The following PHACTR3 variants were observed in gnomAD, a reference collection of about 807,000 sequenced individuals.
PHACTR3 encodes protein phosphatase 1, regulatory subunit 123.
In PHACTR3, 16 loss-of-function variants were observed where a neutral mutation model predicts 66.8. That is an observed-to-expected ratio of 0.24 (90% CI 0.16 to 0.36). PHACTR3 has a LOEUF of 0.36. PHACTR3 is among the 10% of genes least tolerant of loss of function. PHACTR3 has a pLI of 1.00. For synonymous variants in PHACTR3, 323 were observed against 292.1 expected (o/e 1.11, Z -1.08); for missense variants, 647 against 719.9 (o/e 0.90, Z 1.16).
At chr20:59,650,225 G>C (rs534879463) in intron 1 of PHACTR3, among the ~76,000 whole-genome samples, 1 of 152,150 alleles carries the variant, frequency 6.6e-6, no homozygotes, top group East Asian at 1.9e-4. Context: ...GTTGATACTT[G>C]CATTTTTCTC....
chr20:59,827,913 G>T (rs534658390), intron 8 of PHACTR3, among the ~76,000 whole-genome samples: 1 of 152,250 alleles, frequency 6.6e-6, no homozygotes, highest in African/African-American at 2.4e-5. Context: ...CAGGCCAGCC[G>T]TTCTGTTGCC....
chr20:59,826,352 T>G (rs1264499257), intron 8 of PHACTR3, among the ~76,000 whole-genome samples: 2 of 152,154 alleles, frequency 1.3e-5, no homozygotes, highest in Non-Finnish European at 2.9e-5. Flanking sequence ...TCTGGGCCAA[T>G]GTGGGGCCAG....
intron 1 of PHACTR3, among the ~76,000 whole-genome samples, chr20:59,689,910 C>T (rs985459499): frequency 5.9e-5 from 9 of 152,172 alleles, no homozygotes; most frequent in African/African-American, 9.7e-5. Context: ...CTTGTCTGTG[C>T]GCTGGGAGGA....
chr20:59,664,975 C>A (rs749689499), intron 1 of PHACTR3, among the ~76,000 whole-genome samples: 21 of 152,180 alleles, frequency 1.4e-4, no homozygotes, highest in Non-Finnish European at 2.1e-4. Context: ...GGCACTTGCT[C>A]TTGTCTCCTT....
chr20:59,626,828 A>C (rs1223576447), intron 1 of PHACTR3: 3 of 152,270 alleles, frequency 2.0e-5, no homozygotes, highest in African/African-American at 4.8e-5. Flanking sequence ...TTGTGCCTGC[A>C]TCACAATTCC....
rs556196720 is a variant in PHACTR3 at position 59,803,369 on chromosome 20, A to AT, written c.1175-2662dup. Among the ~76,000 whole-genome samples the AT allele has an allele frequency of 1.6e-3, 245 of 149,788 alleles. 1 individual carries two copies. The highest frequency in any genetic ancestry group is 2.3e-3 in the African/African-American group (94 of 40,888). The stretch of plus-strand genomic sequence containing the variant: ...TTCTCTTTGCTTTTACAAAGGAGAG[A>AT]TTTTTTTTTTGTCATTTTCTGTGAT... On this transcript the variant is annotated intron_variant, in intron 7 of 12. Transcript: ENST00000371015.
At chr20:59,685,895 C>A (rs1176826208) in intron 1 of PHACTR3, among the ~76,000 whole-genome samples, 3 of 152,196 alleles carry the variant, frequency 2.0e-5, no homozygotes, top group African/African-American at 4.8e-5. Flanking sequence ...GGCAGCCTTG[C>A]CTGTTGTCCC....
intron 7 of PHACTR3, among the ~76,000 whole-genome samples, chr20:59,800,429 A>T (rs1249822569): frequency 6.6e-6 from 1 of 152,128 alleles, no homozygotes; most frequent in Non-Finnish European, 1.5e-5. Flanking sequence ...CCAAGTATGG[A>T]ATTCCGAGTT....
intron 7 of PHACTR3, among the ~76,000 whole-genome samples, chr20:59,805,700 T>G (rs985245468): frequency 6.6e-6 from 1 of 152,228 alleles, no homozygotes; most frequent in African/African-American, 2.4e-5. Context: ...AAAGTCACTG[T>G]GTCATTTTTG....
Position 59,755,357 on chromosome 20 carries a change from C to A in PHACTR3, c.534C>A (p.Asp178Glu). Residue 178 changes from aspartate (D) to glutamate (E), a missense_variant, in exon 4 of 13, where the codon GAC becomes GAA. Coordinates refer to ENST00000371015, the MANE Select transcript of PHACTR3 (RefSeq NM_080672.5). ...CACTGTCCTCAGCTGCCCACTTGGACGATGCAGGTACTGGCTGGAGACCAC... is the reference window on the plus strand; with the variant it reads ...CACTGTCCTCAGCTGCCCACTTGGAAGATGCAGGTACTGGCTGGAGACCAC... ...DKPLSSAAHLDDAAKMPSASS... is the reference protein window; with the variant it reads ...DKPLSSAAHLEDAAKMPSASS... 1 of 1,613,294 alleles carries A rather than the reference C, an allele frequency of 6.2e-7. No homozygotes were observed. Among genetic ancestry groups the A allele is most frequent in the Non-Finnish European group, 8.5e-7 (1 of 1,179,944 alleles).
chr20:59,712,144 A>AC (rs1364669780), intron 1 of PHACTR3, among the ~76,000 whole-genome samples: 1 of 152,064 alleles, frequency 6.6e-6, no homozygotes, highest in Non-Finnish European at 1.5e-5. Context: ...TTTTATCTTA[A>AC]CCCTGAATCA....
chr20:59,629,921 A>G (rs1486651270), intron 1 of PHACTR3, among the ~76,000 whole-genome samples: 1 of 152,176 alleles, frequency 6.6e-6, no homozygotes, highest in Non-Finnish European at 1.5e-5. Flanking sequence ...GTGTGGCTGT[A>G]GACCAGGGGT....
At chr20:59,661,565 G>A (rs1428874744) in intron 1 of PHACTR3, among the ~76,000 whole-genome samples, 1 of 152,144 alleles carries the variant, frequency 6.6e-6, no homozygotes, top group Non-Finnish European at 1.5e-5. Flanking sequence ...CCCTTTTTAG[G>A]ACTTGGTTCT....
At chr20:59,684,573 T>C (rs2036786426) in intron 1 of PHACTR3, among the ~76,000 whole-genome samples, 2 of 152,140 alleles carry the variant, frequency 1.3e-5, no homozygotes, top group Admixed American at 6.5e-5. Flanking sequence ...TCTGCTGTCA[T>C]AGGAAGCATG....
chr20:59,815,530 T>C (rs2041863967), intron 8 of PHACTR3, among the ~76,000 whole-genome samples: 1 of 150,940 alleles, frequency 6.6e-6, no homozygotes, highest in African/African-American at 2.4e-5. Context: ...GTTCAAGCGA[T>C]TCTCCTGCCT....
chr20:59,611,209 T>C (rs1211728433), intron 1 of PHACTR3, among the ~76,000 whole-genome samples: 1 of 152,270 alleles, frequency 6.6e-6, no homozygotes, highest in East Asian at 1.9e-4. Flanking sequence ...AAGTTCAGAA[T>C]GAGTGAGGAT....
chr20:59,581,880 CAAAAAAA>C (rs11478164), intron 1 of PHACTR3, among the ~76,000 whole-genome samples: 1 of 133,474 alleles, frequency 7.5e-6, no homozygotes, highest in African/African-American at 2.7e-5. Flanking sequence ...GACTCCGTCT[CAAAAAAA>C]AAAAAAAAAG....
chr20:59,773,546 G>T, intron 6 of PHACTR3, 93 bp downstream of exon 6: 1 of 1,317,974 alleles, frequency 7.6e-7, no homozygotes, highest in Non-Finnish European at 1.0e-6. Flanking sequence ...CCAGGGCCTT[G>T]GCTGGGTGTC....
intron 7 of PHACTR3, among the ~76,000 whole-genome samples, chr20:59,805,637 G>T (rs1332367298): frequency 6.6e-6 from 1 of 152,194 alleles, no homozygotes; most frequent in Non-Finnish European, 1.5e-5. Flanking sequence ...AGTGGGCAGG[G>T]AGAAAGTGCA....
Sources: allele counts gnomAD v4.1 joint callset (sites outside exome capture counted in the v4.1 genomes callset), GRCh38; gene constraint gnomAD v4.1.1; transcripts MANE v1.5; gene names NCBI Gene and HGNC (gene_info 2026-07-23, HGNC 2026-07-21).